Variants in CDV3 observed in about 807,000 individuals in gnomAD.
CDV3 encodes the protein protein CDV3 homolog.
In CDV3, 14 loss-of-function variants were observed where a neutral mutation model predicts 24.5. The observed-to-expected ratio is 0.57, with a 90% CI of 0.38 to 0.89. The LOEUF is 0.89. Ranked by LOEUF, CDV3 falls within the 40% of genes least tolerant of loss-of-function variation. The probability of loss-of-function intolerance (pLI) is 0.00; values close to 1 mark genes in which losing one functional copy is unlikely to be tolerated. For missense variants in CDV3, 304 were observed against 310.2 expected (o/e 0.98, Z 0.15); for synonymous variants, 114 against 114.1 (o/e 1.00, Z 0.00).
rs201232734 is a variant in CDV3 at position 133,588,094 on chromosome 3, C to A, written c.*48C>A. 2.9e-4 allele frequency: 464 copies of A among 1,591,618 alleles called. 3 individuals carry two copies. In the African/African-American group the frequency reaches 5.0e-3, roughly 17 times the overall value. On this transcript the variant is annotated 3_prime_UTR_variant, in exon 5 of 5. Transcript: ENST00000264993. ...CTGAGGTAACTAGACTGCAGCTAAC[C>A]ACCACCAACAGCCATTCATCATCTG... is the stretch of plus-strand genomic sequence containing the variant.
intron 2 of CDV3, among the ~76,000 whole-genome samples, chr3:133,575,774 A>T (rs2074782292): frequency 6.6e-6 from 1 of 152,246 alleles, no homozygotes; most frequent in South Asian, 2.1e-4. Flanking sequence ...AAAATTGGGT[A>T]GTTTAGAAGA....
At chr3:133,586,298 G>A (rs1013003439) in intron 3 of CDV3, among the ~76,000 whole-genome samples, 2 of 151,916 alleles carry the variant, frequency 1.3e-5, no homozygotes, top group African/African-American at 4.8e-5. Context: ...GTTTCATCAT[G>A]TTGGCCCAGC....
chr3:133,587,277 C>G, intron 4 of CDV3: 1 of 1,277,780 alleles, frequency 7.8e-7, no homozygotes, highest in Non-Finnish European at 1.0e-6. Context: ...TAAATGACAT[C>G]AGATGGAAAT....
downstream of CDV3, chr3:133,590,268 A>T (rs1343120549): frequency 6.6e-6 from 1 of 152,164 alleles, no homozygotes; most frequent in Non-Finnish European, 1.5e-5. Context: ...TGGATTTTGG[A>T]CTGTAATGGT....
intron 2 of CDV3, among the ~76,000 whole-genome samples, chr3:133,579,250 C>CA (rs1401375930): frequency 6.6e-6 from 1 of 152,178 alleles, no homozygotes; most frequent in Non-Finnish European, 1.5e-5. Context: ...CCAGTAGTGC[C>CA]TTACAGACTT....
rs59003310 is a variant in CDV3 at position 133,577,364 on chromosome 3, C to CT, written c.317+2262dup. On this transcript the variant is annotated intron_variant, in intron 2 of 4. Coordinates refer to ENST00000264993, the MANE Select transcript of CDV3 (RefSeq NM_017548.5). ...CAGATGTCACATTCAGTCTTTTTTT[C>CT]TTTTTTTTTTTTTGAGACAGAGTTT... 4.3e-3 allele frequency among the ~76,000 whole-genome samples: 616 copies of CT among 142,450 alleles called. 2 individuals are homozygous for CT. The highest frequency in any genetic ancestry group is 0.011 in the East Asian group (55 of 4,910). The allele number at this position is 142,450 out of a possible 152,430, so 93.5% of individuals were successfully genotyped here. A position where few individuals can be genotyped will look rare whatever the true frequency, so the allele number is the denominator to read the frequency against.
Position 133,586,675 on chromosome 3 carries a change from A to G in CDV3, c.579A>G (p.Thr193=). The change falls in exon 4 of 5, where the codon ACA becomes ACG. Residue 193 remains threonine (T), a synonymous_variant. Coordinates refer to ENST00000264993, the MANE Select transcript of CDV3 (RefSeq NM_017548.5). ...GACCACCAGAAATCTACAGTGATAC[A>G]CAGTTCCCATCCCTGCAGTCAACTG... ...PQGPPEIYSD[T]QFPSLQSTAK... The G allele has an allele frequency of 6.3e-7, 1 of 1,599,616 alleles. No homozygotes were observed. The highest frequency in any genetic ancestry group is 8.6e-7 in the Non-Finnish European group (1 of 1,166,716).
At position 133,576,708 on chromosome 3, in the gene CDV3, T is replaced by TG. The variant is rs552475608; in HGVS notation, c.317+1594dup. 5.9e-5 allele frequency among the ~76,000 whole-genome samples: 9 copies of TG among 152,272 alleles called. No homozygotes were observed. The East Asian group carries it at 1.7e-3, about 29-fold the overall frequency. On this transcript the variant is annotated intron_variant, in intron 2 of 4. Transcript: ENST00000264993. ...TTCATCTTCAGGGTTATTTTGATCT[T>TG]GATCTATTTTGGTTACTTTTGAGAT... is the stretch of plus-strand genomic sequence containing the variant.
chr3:133,574,079 T>C lies in CDV3; in HGVS notation c.35T>C (p.Phe12Ser). Residue 12 changes from phenylalanine to serine, a missense_variant, in exon 1 of 5, where the codon TTC becomes TCC. Transcript: ENST00000264993. ...ACGGAGGAGCGGAGCCTGGACAACTTCTTTGCCAAGAGGGACAAGAAGAAG... is the reference window on the plus strand; with the variant it reads ...ACGGAGGAGCGGAGCCTGGACAACTCCTTTGCCAAGAGGGACAAGAAGAAG... ...AETEERSLDN[F>S]FAKRDKKKKK... The C allele has an allele frequency of 8.1e-7, 1 of 1,238,790 alleles. No individual in the cohort carries two copies. The highest frequency in any genetic ancestry group is 1.0e-6 in the Non-Finnish European group (1 of 965,778). The allele number at this position is 1,238,790 out of a possible 1,614,324, so 76.7% of individuals were successfully genotyped here.
intron 2 of CDV3, 39 bp downstream of exon 2, chr3:133,575,154 G>A: frequency 1.9e-6 from 2 of 1,079,332 alleles, no homozygotes; most frequent in Non-Finnish European, 2.9e-6. Flanking sequence ...TAACCTTTGG[G>A]ATAGATATTG....
intron 2 of CDV3, among the ~76,000 whole-genome samples, chr3:133,581,055 A>G (rs574154416): frequency 1.3e-3 from 196 of 152,186 alleles, no homozygotes; most frequent in African/African-American, 4.6e-3. Context: ...TACTGTCACT[A>G]TTCCATCAGA....
At position 133,578,114 on chromosome 3, in the gene CDV3, C is replaced by G. The variant is rs115408643; in HGVS notation, c.317+2999C>G. 1.6e-4 allele frequency among the ~76,000 whole-genome samples: 25 copies of G among 152,222 alleles called. 1 individual carries two copies. Among genetic ancestry groups the G allele is most frequent in the African/African-American group, 6.0e-4 (25 of 41,552 alleles). ...AAGTGATCCTCCCACCTCAGCCTCC[C>G]GAGTAGCTGGGACTACAGGTGTGAG... On this transcript the variant is annotated intron_variant, in intron 2 of 4. Transcript: ENST00000264993.
intron 2 of CDV3, among the ~76,000 whole-genome samples, chr3:133,581,540 G>A (rs978816259): frequency 1.3e-5 from 2 of 152,276 alleles, no homozygotes; most frequent in Non-Finnish European, 2.9e-5. Flanking sequence ...TCAGTAAATA[G>A]TGCTGATTAT....
At chr3:133,575,439 G>A (rs1365022055) in intron 2 of CDV3, among the ~76,000 whole-genome samples, 1 of 152,114 alleles carries the variant, frequency 6.6e-6, no homozygotes, top group South Asian at 2.1e-4. Flanking sequence ...ACTTAGTTTT[G>A]GTTTCAAAAG....
At chr3:133,581,061 T>G (rs1932965215) in intron 2 of CDV3, among the ~76,000 whole-genome samples, 1 of 152,082 alleles carries the variant, frequency 6.6e-6, no homozygotes, top group Admixed American at 6.5e-5. Flanking sequence ...CACTATTCCA[T>G]CAGACCAAAT....
intron 2 of CDV3, among the ~76,000 whole-genome samples, chr3:133,581,915 T>C (rs574193342): frequency 6.6e-6 from 1 of 152,246 alleles, no homozygotes; most frequent in Non-Finnish European, 1.5e-5. Context: ...AAAGGAAAAC[T>C]GAGAGATGGC....
rs1469002398 is a variant in CDV3, at chr3:133,589,753, C to G, written c.*1707C>G. ...GTATCTCCTGACGGGACCTGCCACT[C>G]GCATCTGGGCAATGTTGACATTTGA... On this transcript the variant is annotated 3_prime_UTR_variant, in exon 5 of 5. Coordinates refer to ENST00000264993, the MANE Select transcript of CDV3 (RefSeq NM_017548.5). The G allele has an allele frequency of 6.6e-6, 1 of 152,544 alleles. No individual in the cohort carries two copies. The highest frequency in any genetic ancestry group is 2.4e-5 in the African/African-American group (1 of 41,432). The allele number at this position is 152,544 out of a possible 1,614,324, so 9.4% of individuals were successfully genotyped here.
At position 133,588,176 on chromosome 3, in the gene CDV3, A is replaced by G. The variant is rs574319565; in HGVS notation, c.*130A>G. The G allele has an allele frequency of 4.5e-6, 7 of 1,542,304 alleles. No homozygotes were observed. The African/African-American group carries it at 8.3e-5, about 18-fold the overall frequency. On this transcript the variant is annotated 3_prime_UTR_variant, in exon 5 of 5. Coordinates refer to ENST00000264993, the MANE Select transcript of CDV3 (RefSeq NM_017548.5). The stretch of plus-strand genomic sequence containing the variant: ...ACCACTCGATTTCATGACCGGCCCT[A>G]TTGCACTATGGAAGTTAAAGTGTCA...
rs570627506 is a variant in CDV3 at position 133,573,977 on chromosome 3, C to G, written c.-68C>G. The G allele has an allele frequency of 4.0e-6, 4 of 1,006,876 alleles. No individual in the cohort carries two copies. Among genetic ancestry groups the G allele is most frequent in the Admixed American group, 6.0e-5 (1 of 16,686 alleles). The allele number at this position is 1,006,876 out of a possible 1,614,324, so 62.4% of individuals were successfully genotyped here. On this transcript the variant is annotated 5_prime_UTR_variant, in exon 1 of 5. Transcript: ENST00000264993. ...GTGAGCGCAGAGCCGGCCTCGACCC[C>G]GAGCTCGGAGCCCCGCGGGCCGCGC...
Sources: allele counts gnomAD v4.1 joint callset (sites outside exome capture counted in the v4.1 genomes callset), GRCh38; gene constraint gnomAD v4.1.1; transcripts MANE v1.5; gene names NCBI Gene and HGNC (gene_info 2026-07-23, HGNC 2026-07-21).